GPC5: variants seen among roughly 807,000 people sequenced by gnomAD.
GPC5 encodes the protein glypican-5.
A neutral mutation model predicts 53.9 loss-of-function variants in GPC5; 47 were observed. The ratio of observed to expected loss-of-function variants is 0.87; its 90% CI spans 0.69 to 1.11. The LOEUF is 1.11. Ranked by LOEUF, GPC5 falls within the 50% of genes most tolerant of loss-of-function variation. GPC5 has a pLI of 0.00. For synonymous variants in GPC5, 286 were observed against 263.3 expected, an observed-to-expected ratio of 1.09 and a Z score of -0.84; for missense variants, 748 against 713.1, an observed-to-expected ratio of 1.05 and a Z score of -0.56.
chr13:91,889,705 C>T lies in GPC5; in HGVS notation c.1281-18232C>T, dbSNP rs950625237. ...TTAGTATCAGTCATATATTCACGCACATAACAAATATGCATTGAGCTTGTA... is the reference window on the plus strand; with the variant it reads ...TTAGTATCAGTCATATATTCACGCATATAACAAATATGCATTGAGCTTGTA... On this transcript the variant is annotated intron_variant, in intron 5 of 7. Coordinates refer to ENST00000377067, the MANE Select transcript of GPC5 (RefSeq NM_004466.6). 3.9e-5 allele frequency among the ~76,000 whole-genome samples: 6 copies of T among 152,222 alleles called. No homozygotes were observed. The Middle Eastern group carries it at 0.01, about 259-fold the overall frequency.
At chr13:92,235,859 A>T (rs1055451678) in intron 7 of GPC5, among the ~76,000 whole-genome samples, 1 of 152,036 alleles carries the variant, frequency 6.6e-6, no homozygotes, top group Non-Finnish European at 1.5e-5. Flanking sequence ...ACTATTATTG[A>T]CATAAGAGTA....
chr13:91,915,639 A>AT (rs2039651136), intron 6 of GPC5, among the ~76,000 whole-genome samples: 1 of 152,110 alleles, frequency 6.6e-6, no homozygotes, highest in Non-Finnish European at 1.5e-5. Flanking sequence ...AAACTTTTAT[A>AT]TTTTTTATTT....
chr13:92,065,135 T>C (rs910315789), intron 6 of GPC5, among the ~76,000 whole-genome samples: 4 of 152,204 alleles, frequency 2.6e-5, no homozygotes, highest in Non-Finnish European at 5.9e-5. Flanking sequence ...CTCTTTGATA[T>C]GTGGCTGGGA....
rs552106233 is a variant in GPC5 at position 91,947,846 on chromosome 13, G to A, written c.1401+39789G>A. On this transcript the variant is annotated intron_variant, in intron 6 of 7. Coordinates refer to ENST00000377067, the MANE Select transcript of GPC5 (RefSeq NM_004466.6). Reference sequence around the variant, plus strand: ...AACAGCAACCCAGAGCACAGTACTTGGACCATAATAGGCATGTAGTAGTTG... The same window carrying A: ...AACAGCAACCCAGAGCACAGTACTTAGACCATAATAGGCATGTAGTAGTTG... Among the ~76,000 whole-genome samples, 57 of 152,232 alleles carry A rather than the reference G, an allele frequency of 3.7e-4. 1 individual carries two copies. Among genetic ancestry groups the A allele is most frequent in the African/African-American group, 1.3e-3 (53 of 41,508 alleles).
intron 7 of GPC5, among the ~76,000 whole-genome samples, chr13:92,700,257 T>TA (rs1887688004): frequency 9.4e-6 from 1 of 106,608 alleles, no homozygotes; most frequent in African/African-American, 5.1e-5. Context: ...ACCCCTGCAT[T>TA]TTTTTTTTTT....
At chr13:91,480,261 A>G (rs1007592970) in intron 2 of GPC5, among the ~76,000 whole-genome samples, 1 of 152,234 alleles carries the variant, frequency 6.6e-6, no homozygotes, top group African/African-American at 2.4e-5. Context: ...TAGCTCCGCT[A>G]TGGACAGGGC....
chr13:92,370,451 A>G (rs1045097093), intron 7 of GPC5, among the ~76,000 whole-genome samples: 1 of 152,194 alleles, frequency 6.6e-6, no homozygotes, highest in African/African-American at 2.4e-5. Flanking sequence ...AATATGGGCT[A>G]AAGTCTCCAC....
At chr13:91,764,763 C>T (rs2037488636) in intron 5 of GPC5, among the ~76,000 whole-genome samples, 1 of 152,074 alleles carries the variant, frequency 6.6e-6, no homozygotes, top group South Asian at 2.1e-4. Flanking sequence ...TTTCTGACTC[C>T]CCTGTGCTTG....
At chr13:92,485,433 T>G (rs1879516192) in intron 7 of GPC5, among the ~76,000 whole-genome samples, 1 of 152,136 alleles carries the variant, frequency 6.6e-6, no homozygotes, top group Non-Finnish European at 1.5e-5. Flanking sequence ...TAGAAAAGTC[T>G]TTTTCTCTAA....
At chr13:91,728,102 T>C (rs1797539542) in intron 3 of GPC5, among the ~76,000 whole-genome samples, 1 of 152,168 alleles carries the variant, frequency 6.6e-6, no homozygotes, top group Non-Finnish European at 1.5e-5. Flanking sequence ...ACTACAAAGA[T>C]ATTTGCTTTT....
At chr13:91,630,200 C>CT (rs1334121023) in intron 2 of GPC5, among the ~76,000 whole-genome samples, 2 of 152,108 alleles carry the variant, frequency 1.3e-5, no homozygotes, top group African/African-American at 4.8e-5. Context: ...TATTAGAACT[C>CT]TAACTGTAAT....
At chr13:91,977,570 G>A (rs1006256183) in intron 6 of GPC5, among the ~76,000 whole-genome samples, 2 of 152,104 alleles carry the variant, frequency 1.3e-5, no homozygotes, top group African/African-American at 2.4e-5. Flanking sequence ...TATTTTTAAG[G>A]ATTATTTTGA....
chr13:91,785,411 A>G (rs1431048872), intron 5 of GPC5, among the ~76,000 whole-genome samples: 1 of 152,194 alleles, frequency 6.6e-6, no homozygotes, highest in Non-Finnish European at 1.5e-5. Context: ...CTGGGGAAAA[A>G]CAATTGCCTT....
chr13:91,944,127 G>T (rs1393606068), intron 6 of GPC5, among the ~76,000 whole-genome samples: 1 of 151,214 alleles, frequency 6.6e-6, no homozygotes, highest in African/African-American at 2.4e-5. Flanking sequence ...ACTGAGTCTG[G>T]CTCTGTCGCC....
At chr13:91,401,424 TATC>T (rs1156766570) in intron 1 of GPC5, among the ~76,000 whole-genome samples, 1 of 152,228 alleles carries the variant, frequency 6.6e-6, no homozygotes, top group Admixed American at 6.5e-5. Context: ...GGTAATTGAC[TATC>T]ATATTTTCTA....
chr13:92,530,646 T>C (rs929347104), intron 7 of GPC5, among the ~76,000 whole-genome samples: 2 of 152,154 alleles, frequency 1.3e-5, no homozygotes, highest in African/African-American at 4.8e-5. Flanking sequence ...AGGCATTATC[T>C]CTAACATTCA....
intron 7 of GPC5, among the ~76,000 whole-genome samples, chr13:92,426,601 A>G (rs1876846313): frequency 6.6e-6 from 1 of 152,094 alleles, no homozygotes; most frequent in Non-Finnish European, 1.5e-5. Context: ...ATTGGAAGAA[A>G]AAGAGCAATG....
At chr13:91,979,509 C>T (rs9583982) in intron 6 of GPC5, among the ~76,000 whole-genome samples, 9,898 of 152,190 alleles carry the variant, frequency 0.065, 1,101 homozygotes, top group African/African-American at 0.22. Context: ...GCTATATCGA[C>T]CTTTGATTCA....
intron 7 of GPC5, among the ~76,000 whole-genome samples, chr13:92,560,711 A>C (rs749376942): frequency 6.3e-4 from 95 of 151,874 alleles, no homozygotes; most frequent in Non-Finnish European, 1.1e-3. Flanking sequence ...TGCCTCAGAT[A>C]CAGAGAATTA....
Sources: allele counts gnomAD v4.1 joint callset (sites outside exome capture counted in the v4.1 genomes callset), GRCh38; gene constraint gnomAD v4.1.1; transcripts MANE v1.5; gene names NCBI Gene and HGNC (gene_info 2026-07-23, HGNC 2026-07-21).